Variants in INTS4 observed in about 807,000 individuals in gnomAD.
The protein encoded by INTS4 is MSTP093.
A neutral mutation model predicts 119.5 loss-of-function variants in INTS4; 70 were observed. That is an observed-to-expected ratio of 0.59 (90% CI 0.48 to 0.71). The LOEUF is 0.71. Among genes scored for constraint, INTS4 ranks in the 30% least tolerant of loss-of-function variants. INTS4 has a pLI of 0.00. For synonymous variants in INTS4, 316 were observed against 419.6 expected, an observed-to-expected ratio of 0.75 and a Z score of 3.02; for missense variants, 867 against 1,173.2, an observed-to-expected ratio of 0.74 and a Z score of 3.81.
intron 16 of INTS4, among the ~76,000 whole-genome samples, chr11:77,904,834 C>T (rs1426763994): frequency 1.3e-5 from 2 of 152,128 alleles, no homozygotes; most frequent in South Asian, 2.1e-4. Context: ...AGGATAGTTG[C>T]ATCATGTTAG....
rs147412298 is a variant in INTS4 at position 77,885,925 on chromosome 11, G to A, written c.2593-1973C>T. On this transcript the variant is annotated intron_variant, in intron 21 of 22. Transcript: ENST00000534064. ...GGGCCATAATTTCTGTGTTCAGCAG[G>A]TGCAGTGGCTCATGCCTATAATCCC... Among the ~76,000 whole-genome samples the A allele has an allele frequency of 1.4e-3, 217 of 152,294 alleles. 1 individual carries two copies. Among genetic ancestry groups the A allele is most frequent in the African/African-American group, 3.5e-3 (147 of 41,556 alleles).
At chr11:77,889,133 T>A (rs539586103) in intron 21 of INTS4, among the ~76,000 whole-genome samples, 82 of 152,306 alleles carry the variant, frequency 5.4e-4, no homozygotes, top group African/African-American at 1.9e-3. Context: ...CACATATGTT[T>A]ATTGCGGCAC....
Position 77,991,218 on chromosome 11 carries a change from C to T in INTS4, c.136G>A (p.Ala46Thr). The T allele has an allele frequency of 1.9e-6, 3 of 1,614,126 alleles. No homozygotes were observed. Among genetic ancestry groups the T allele is most frequent in the Non-Finnish European group, 2.5e-6 (3 of 1,180,018 alleles). The change falls in exon 2 of 23, where the codon GCT (alanine) becomes ACT (threonine). Residue 46 changes from alanine (A) to threonine (T), a missense_variant. Ala to Thr is a moderately conservative substitution (Grantham distance 58). Coordinates refer to ENST00000534064, the MANE Select transcript of INTS4 (RefSeq NM_033547.4). ...SAALHIDLCK[A>T]TSPADALQYL... ...TGCAAAGCATCTGCTGGGGAGGTAG[C>T]TTTACACAGATCTATGTGGAGTGCT...
intron 14 of INTS4, among the ~76,000 whole-genome samples, chr11:77,921,065 GAACA>G (rs1164475962): frequency 6.6e-6 from 1 of 152,028 alleles, no homozygotes; most frequent in Non-Finnish European, 1.5e-5. Flanking sequence ...GAAAGAGAAT[GAACA>G]AACAAGTTTT....
intron 8 of INTS4, among the ~76,000 whole-genome samples, chr11:77,949,410 C>CT (rs1203466452): frequency 6.6e-6 from 1 of 151,244 alleles, no homozygotes; most frequent in Non-Finnish European, 1.5e-5. Context: ...GCAAAAGAAA[C>CT]TATCATCAGA....
chr11:77,956,737 T>A (rs66569968), intron 7 of INTS4, among the ~76,000 whole-genome samples: 372 of 34,188 alleles, frequency 0.011, 15 homozygotes, highest in African/African-American at 0.031. Flanking sequence ...ATAATAATAA[T>A]AATAATAATA....
chr11:77,987,560 C>A, intron 2 of INTS4: 1 of 431,050 alleles, frequency 2.3e-6, no homozygotes, highest in Non-Finnish European at 4.7e-6. Context: ...TCGAAAACTT[C>A]TTGAGAACAG....
At chr11:77,950,377 A>G (rs768413421) in intron 8 of INTS4, among the ~76,000 whole-genome samples, 3 of 152,032 alleles carry the variant, frequency 2.0e-5, no homozygotes, top group Non-Finnish European at 4.4e-5. Context: ...AAAAAAATTG[A>G]TATCATAGAG....
At chr11:77,913,211 G>T (rs377331419) in intron 15 of INTS4, among the ~76,000 whole-genome samples, 38 of 152,024 alleles carry the variant, frequency 2.5e-4, no homozygotes, top group African/African-American at 8.7e-4. Flanking sequence ...AACCCTGCCT[G>T]CTAGTGAGTT....
rs1044911 is a variant in INTS4, at chr11:77,891,423, C to G, written c.2488G>C (p.Glu830Gln). 56 of 1,613,508 alleles carry G rather than the reference C, an allele frequency of 3.5e-5. No individual in the cohort carries two copies. The highest frequency in any genetic ancestry group is 8.5e-7 in the Non-Finnish European group (1 of 1,179,780). Reference protein sequence around the residue: ...ASATIIEPAGESDNPLRFTSG... With the variant: ...ASATIIEPAGQSDNPLRFTSG... ...GTAAACCGCAAAGGGTTGTCTGACTCGCCCGCTGGCTCGATGATGGTGGCT... is the reference window on the plus strand; with the variant it reads ...GTAAACCGCAAAGGGTTGTCTGACTGGCCCGCTGGCTCGATGATGGTGGCT... The change falls in exon 21 of 23, where the codon GAG (glutamate) becomes CAG (glutamine). Residue 830 changes from glutamate to glutamine, a missense_variant. Physicochemically the swap from Glu to Gln is conservative, Grantham distance 29. Transcript: ENST00000534064.
rs1855563382 is a variant in INTS4 at position 77,967,855 on chromosome 11, A to G, written c.472-6717T>C. Among the ~76,000 whole-genome samples the G allele has an allele frequency of 2.0e-5, 3 of 152,210 alleles. No individual in the cohort carries two copies. In the South Asian group the frequency reaches 6.2e-4, roughly 32 times the overall value. On this transcript the variant is annotated intron_variant, in intron 4 of 22. Coordinates refer to ENST00000534064, the MANE Select transcript of INTS4 (RefSeq NM_033547.4). ...TCAGATTAAGGAAAACAAAAGAGAC[A>G]TGAAAACTAAATATAGTCATGCATC... is the stretch of plus-strand genomic sequence containing the variant.
At chr11:77,881,911 GT>G (rs951135442) in intron 22 of INTS4, among the ~76,000 whole-genome samples, 114 of 144,980 alleles carry the variant, frequency 7.9e-4, no homozygotes, top group Admixed American at 1.2e-3. Context: ...GTTTCTGATG[GT>G]TTTTTTTTTT....
At chr11:77,942,916 C>G (rs1427754000) in intron 8 of INTS4, among the ~76,000 whole-genome samples, 1 of 152,188 alleles carries the variant, frequency 6.6e-6, no homozygotes, top group East Asian at 1.9e-4. Flanking sequence ...ACAAAAACAA[C>G]TGCCATACTA....
At chr11:77,883,523 A>AC (rs2136359490) in intron 22 of INTS4, among the ~76,000 whole-genome samples, 5 of 152,338 alleles carry the variant, frequency 3.3e-5, no homozygotes, top group Admixed American at 3.3e-4. Flanking sequence ...AGTCGGTGGC[A>AC]GTTAGGATAA....
chr11:77,933,056 A>G (rs1396986683), intron 10 of INTS4, among the ~76,000 whole-genome samples: 2 of 152,038 alleles, frequency 1.3e-5, no homozygotes, highest in East Asian at 1.9e-4. Flanking sequence ...GTGTATACCT[A>G]TGTAACAAAC....
rs976852096 is a variant in INTS4 at position 77,922,557 on chromosome 11, G to A, written c.1515-86C>T. The A allele has an allele frequency of 6.3e-6, 4 of 639,974 alleles. No homozygotes were observed. In the African/African-American group the frequency reaches 7.4e-5, roughly 12 times the overall value. The allele number at this position is 639,974 out of a possible 1,614,324, so 39.6% of individuals were successfully genotyped here. A position where few individuals can be genotyped will look rare whatever the true frequency, so the allele number is the denominator to read the frequency against. ...ACTAGGAACTGGAATCAGAAAACCTGAACTGGAATTGGAAATTCTCAACCA... is the reference window on the plus strand; with the variant it reads ...ACTAGGAACTGGAATCAGAAAACCTAAACTGGAATTGGAAATTCTCAACCA... On this transcript the variant is annotated intron_variant, in intron 12 of 22. Coordinates refer to ENST00000534064, the MANE Select transcript of INTS4 (RefSeq NM_033547.4).
intron 8 of INTS4, among the ~76,000 whole-genome samples, chr11:77,948,225 C>G (rs181800709): frequency 2.0e-5 from 3 of 152,134 alleles, no homozygotes; most frequent in Admixed American, 6.5e-5. Context: ...GAAAATAAAG[C>G]GTGGCCCCAC....
In INTS4 at chr11:77,941,229, G is replaced by A; in HGVS notation, c.941C>T (p.Ser314Phe). The A allele has an allele frequency of 6.2e-7, 1 of 1,612,512 alleles. No homozygotes were observed. Residue 314 changes from serine to phenylalanine, a missense_variant, in exon 9 of 23, where the codon TCT (serine) becomes TTT (phenylalanine). Ser to Phe is a radical substitution (Grantham distance 155, BLOSUM62 -2). This residue lies in a region of INTS4 where 208 missense variants were observed against 306.6 expected (regional missense o/e 0.68). Coordinates refer to ENST00000534064, the MANE Select transcript of INTS4 (RefSeq NM_033547.4). ...GTCAAGGGTCTGCTCCAAGAAATGA[G>A]AACTGACTTGCTCCATAGAGCCCTA... The part of the protein sequence containing the change: ...KLLGSMEQVS[S>F]HFLEQTLDKK...
At chr11:77,897,834 G>A (rs1359889639) in intron 18 of INTS4, among the ~76,000 whole-genome samples, 2 of 151,578 alleles carry the variant, frequency 1.3e-5, no homozygotes, top group African/African-American at 4.9e-5. Context: ...TAAGACATAG[G>A]GTCTTGTTCT....
Sources: allele counts gnomAD v4.1 joint callset (sites outside exome capture counted in the v4.1 genomes callset), GRCh38; gene constraint gnomAD v4.1.1; regional missense constraint gnomAD v4.1.1; transcripts MANE v1.5; gene names NCBI Gene and HGNC (gene_info 2026-07-23, HGNC 2026-07-21).